CDK13: variants seen among roughly 807,000 people sequenced by gnomAD.
The protein encoded by CDK13 is cyclin dependent kinase 13, also known as cyclin-dependent kinase 13.
Under a neutral mutation model 137.6 loss-of-function variants are expected in CDK13, and 40 were observed. The observed-to-expected ratio is 0.29, with a 90% CI of 0.23 to 0.38. The LOEUF is 0.38. Ranked by LOEUF, CDK13 falls within the 10% of genes least tolerant of loss-of-function variation. CDK13 has a pLI of 1.00. For missense variants in CDK13, 1,704 were observed against 1,951.8 expected (o/e 0.87, Z 2.39); for synonymous variants, 869 against 760.1 (o/e 1.14, Z -2.36).
chr7:40,029,767 C>T (rs1217037266), intron 5 of CDK13, among the ~76,000 whole-genome samples: 4 of 152,092 alleles, frequency 2.6e-5, no homozygotes, highest in Admixed American at 2.0e-4. Flanking sequence ...ATTCTCCTGC[C>T]TCAGCCTCCC....
At chr7:39,954,163 T>C (rs1422715781) in intron 1 of CDK13, among the ~76,000 whole-genome samples, 1 of 152,210 alleles carries the variant, frequency 6.6e-6, no homozygotes, top group African/African-American at 2.4e-5. Context: ...ACAGTTGTCA[T>C]GATTTCTGAG....
chr7:40,040,831 A>AT (rs1237109731), intron 5 of CDK13, among the ~76,000 whole-genome samples: 1 of 151,976 alleles, frequency 6.6e-6, no homozygotes, highest in African/African-American at 2.4e-5. Context: ...AACTGTAATA[A>AT]TTTTTTTGTT....
intron 1 of CDK13, among the ~76,000 whole-genome samples, chr7:39,965,989 T>C (rs1380075045): frequency 3.3e-5 from 5 of 152,240 alleles, no homozygotes; most frequent in African/African-American, 7.2e-5. Flanking sequence ...AGAGATCAGC[T>C]GTTAGTCTGA....
chr7:40,008,134 C>A (rs1279360643), intron 5 of CDK13, among the ~76,000 whole-genome samples: 1 of 152,140 alleles, frequency 6.6e-6, no homozygotes, highest in Non-Finnish European at 1.5e-5. Flanking sequence ...TTGATTTGTT[C>A]ATTCTTTCTT....
intron 1 of CDK13, chr7:39,952,073 A>G: frequency 2.5e-6 from 1 of 404,204 alleles, no homozygotes; most frequent in Admixed American, 4.4e-5. Context: ...CTTTTCTCCT[A>G]GCTGTGGCAG....
At chr7:40,081,448 G>C (rs909387437) in intron 11 of CDK13, among the ~76,000 whole-genome samples, 14 of 152,076 alleles carry the variant, frequency 9.2e-5, no homozygotes, top group African/African-American at 3.4e-4. Context: ...TAGTCATTTG[G>C]AAAATGTTGA....
At chr7:39,999,334 TA>T in intron 3 of CDK13, 26 bp from the exon 4 acceptor site, 1 of 1,572,328 alleles carries the variant, frequency 6.4e-7, no homozygotes, top group Non-Finnish European at 8.6e-7. Flanking sequence ...TGATTGTATA[TA>T]AAAACTTTAG....
intron 1 of CDK13, among the ~76,000 whole-genome samples, chr7:39,968,093 T>C (rs552996997): frequency 3.9e-4 from 59 of 152,202 alleles, no homozygotes; most frequent in Non-Finnish European, 8.4e-4. Flanking sequence ...TTGGGTTATT[T>C]TCTTTCTGTT....
intron 7 of CDK13, among the ~76,000 whole-genome samples, chr7:40,052,771 T>A (rs991561050): frequency 2.6e-5 from 4 of 152,182 alleles, no homozygotes; most frequent in Non-Finnish European, 4.4e-5. Context: ...CATATTTTAT[T>A]CTTTTGTGTT....
chr7:39,958,441 A>G (rs532367605), intron 1 of CDK13, among the ~76,000 whole-genome samples: 1 of 152,310 alleles, frequency 6.6e-6, no homozygotes, highest in South Asian at 2.1e-4. Context: ...AGAGATTAAA[A>G]GGCCCCTTAG....
intron 9 of CDK13, among the ~76,000 whole-genome samples, chr7:40,068,281 G>A (rs1259163493): frequency 6.6e-6 from 1 of 151,322 alleles, no homozygotes; most frequent in African/African-American, 2.4e-5. Flanking sequence ...TGAAGAAATG[G>A]CAAAGTAATA....
chr7:40,043,405 G>A (rs964504729), intron 5 of CDK13, among the ~76,000 whole-genome samples: 4 of 152,096 alleles, frequency 2.6e-5, no homozygotes, highest in East Asian at 1.9e-4. Context: ...AAATGTTTTG[G>A]CTAGTACTCT....
At chr7:40,092,632 A>G in intron 12 of CDK13, 153 bp from the exon 13 acceptor site, 3 of 608,708 alleles carry the variant, frequency 4.9e-6, no homozygotes, top group Non-Finnish European at 8.7e-6. Context: ...TGTACATGAT[A>G]TTTAACTAGA....
intron 5 of CDK13, among the ~76,000 whole-genome samples, chr7:40,011,380 C>A (rs998183480): frequency 6.6e-6 from 1 of 152,120 alleles, no homozygotes; most frequent in African/African-American, 2.4e-5. Context: ...TTACATAAAT[C>A]AAAATCTTCC....
At position 40,093,105 on chromosome 7, in the gene CDK13, C is replaced by T. The variant is rs139950225; in HGVS notation, c.3556C>T (p.Leu1186=). Residue 1186 remains leucine, a synonymous_variant, in exon 13 of 14, where the codon CTG becomes TTG. Coordinates refer to ENST00000181839, the MANE Select transcript of CDK13 (RefSeq NM_003718.5). ...GGCTGTGCAGAGTGCATTTGCAGTT[C>T]TGTTGACTCAGTTAATAAAGGCTCA... is the stretch of plus-strand genomic sequence containing the variant. ...QAAVQSAFAV[L]LTQLIKAQQS... 3.7e-5 allele frequency: 60 copies of T among 1,614,064 alleles called. No individual in the cohort carries two copies. In the African/African-American group the frequency reaches 7.9e-4, roughly 21 times the overall value.
At chr7:40,012,977 A>G (rs1784928083) in intron 5 of CDK13, among the ~76,000 whole-genome samples, 1 of 152,072 alleles carries the variant, frequency 6.6e-6, no homozygotes, top group South Asian at 2.1e-4. Context: ...TCATAGCAGC[A>G]TTATTCACAG....
At chr7:39,981,569 T>C in intron 1 of CDK13, among the ~76,000 whole-genome samples, 1 of 152,162 alleles carries the variant, frequency 6.6e-6, no homozygotes, top group East Asian at 1.9e-4. Context: ...TTGTTTAGTT[T>C]TAGGTTCCCA....
chr7:39,988,526 T>C (rs1784389483), intron 2 of CDK13, among the ~76,000 whole-genome samples: 2 of 152,280 alleles, frequency 1.3e-5, no homozygotes, highest in South Asian at 4.1e-4. Context: ...GTATTAGAAA[T>C]GCCAGTATTC....
rs1226273158 is a variant in CDK13, at chr7:40,088,351, G to A, written c.3235+20G>A. On this transcript the variant is annotated intron_variant, in intron 12 of 13. Transcript: ENST00000181839. ...CACCTGGTCAGTAATGCTTCCATGGGTTGGTTTTCTTCACATTGTTTTGCA... is the reference window on the plus strand; with the variant it reads ...CACCTGGTCAGTAATGCTTCCATGGATTGGTTTTCTTCACATTGTTTTGCA... 5 of 1,592,792 alleles carry A rather than the reference G, an allele frequency of 3.1e-6. No homozygotes were observed. Among genetic ancestry groups the A allele is most frequent in the Non-Finnish European group, 4.3e-6 (5 of 1,162,436 alleles).
Sources: gnomAD v4.1 joint callset for allele counts (sites outside exome capture counted in the v4.1 genomes callset) on GRCh38, gnomAD v4.1.1 for gene constraint, MANE v1.5 for transcripts, NCBI Gene and HGNC (gene_info 2026-07-23, HGNC 2026-07-21) for gene names.